DGKB: variants seen among roughly 807,000 people sequenced by gnomAD.
The protein encoded by DGKB is 90 kDa diacylglycerol kinase.
A neutral mutation model predicts 114.3 loss-of-function variants in DGKB; 67 were observed. That is an observed-to-expected ratio of 0.59 (90% CI 0.48 to 0.72). The LOEUF (loss-of-function observed/expected upper bound fraction) is 0.72, where lower values mean the gene tolerates loss of function less well. Among genes scored for constraint, DGKB ranks in the 30% least tolerant of loss-of-function variants. DGKB has a pLI of 0.00. For missense variants in DGKB, 907 were observed against 975.2 expected, an observed-to-expected ratio of 0.93 and a Z score of 0.93; for synonymous variants, 398 against 323.1, an observed-to-expected ratio of 1.23 and a Z score of -2.49.
intron 2 of DGKB, among the ~76,000 whole-genome samples, chr7:14,779,713 A>T (rs1838781347): frequency 6.6e-6 from 1 of 152,204 alleles, no homozygotes; most frequent in Non-Finnish European, 1.5e-5. Context: ...ATTTCCTGCT[A>T]TAAAAGGTGA....
intron 20 of DGKB, among the ~76,000 whole-genome samples, chr7:14,502,858 A>C (rs1786418605): frequency 6.6e-6 from 1 of 152,102 alleles, no homozygotes. Context: ...AAATAAACAT[A>C]GCTAGGATTC....
At chr7:14,958,724 T>C (rs1319881642) in intron 1 of DGKB, among the ~76,000 whole-genome samples, 2 of 152,052 alleles carry the variant, frequency 1.3e-5, no homozygotes, top group African/African-American at 4.8e-5. Flanking sequence ...CCTCCTTAGA[T>C]GTAAATGTAA....
chr7:14,660,087 A>T (rs112020084), intron 13 of DGKB, among the ~76,000 whole-genome samples: 41,895 of 147,800 alleles, frequency 0.28, 7,401 homozygotes, highest in East Asian at 0.72. Flanking sequence ...TGAAGCCCAC[A>T]TGATCATGGT....
At chr7:14,785,504 C>CTAAAT (rs899509551) in intron 2 of DGKB, among the ~76,000 whole-genome samples, 4 of 151,974 alleles carry the variant, frequency 2.6e-5, no homozygotes, top group African/African-American at 4.8e-5. Flanking sequence ...AACGTCATGA[C>CTAAAT]TAAATTAAAT....
chr7:14,629,244 G>T (rs958229968), intron 14 of DGKB, among the ~76,000 whole-genome samples: 22 of 152,030 alleles, frequency 1.4e-4, no homozygotes, highest in African/African-American at 5.3e-4. Flanking sequence ...AATAATAATT[G>T]TGATAATAAT....
intron 6 of DGKB, among the ~76,000 whole-genome samples, chr7:14,703,800 C>T (rs1036220854): frequency 6.6e-6 from 1 of 152,100 alleles, no homozygotes; most frequent in Admixed American, 6.5e-5. Flanking sequence ...CTGCATGCTC[C>T]TAAATATCGC....
intron 1 of DGKB, among the ~76,000 whole-genome samples, chr7:14,885,772 A>G (rs578140048): frequency 6.6e-6 from 1 of 152,016 alleles, no homozygotes; most frequent in East Asian, 1.9e-4. Flanking sequence ...CATTTGAAAA[A>G]CTGAACATTG....
intron 20 of DGKB, among the ~76,000 whole-genome samples, chr7:14,556,099 G>C (rs977958761): frequency 1.3e-5 from 2 of 152,062 alleles, no homozygotes; most frequent in Admixed American, 1.3e-4. Flanking sequence ...GGTCTGGATT[G>C]GGACTCCTTT....
At chr7:14,699,879 T>C (rs1824799594) in intron 7 of DGKB, among the ~76,000 whole-genome samples, 1 of 151,868 alleles carries the variant, frequency 6.6e-6, no homozygotes, top group Non-Finnish European at 1.5e-5. Flanking sequence ...CTACTGTATA[T>C]GCTAACAAAA....
At chr7:14,625,271 G>A (rs538749599) in intron 14 of DGKB, among the ~76,000 whole-genome samples, 1 of 152,154 alleles carries the variant, frequency 6.6e-6, no homozygotes, top group East Asian at 1.9e-4. Flanking sequence ...TGGAATTTGT[G>A]CAATTAATCC....
chr7:14,246,574 T>C (rs541123628), intron 23 of DGKB, among the ~76,000 whole-genome samples: 3 of 152,284 alleles, frequency 2.0e-5, no homozygotes, highest in East Asian at 3.9e-4. Flanking sequence ...CTCTGTAAGT[T>C]TGGAAATCAT....
rs149089279 is a variant in DGKB at position 14,300,819 on chromosome 7, A to G, written c.2122+37696T>C. ...AATAGTCTTATTTCTGTCATCAACA[A>G]TGAACTTTAAGGTACCTCATTTCAA... On this transcript the variant is annotated intron_variant, in intron 23 of 25. Transcript: ENST00000402815. 6.3e-3 allele frequency among the ~76,000 whole-genome samples: 953 copies of G among 152,236 alleles called. 9 individuals carry two copies. The highest frequency in any genetic ancestry group is 0.021 in the African/African-American group (887 of 41,556).
intron 1 of DGKB, among the ~76,000 whole-genome samples, chr7:14,908,873 T>C (rs183754402): frequency 2.6e-5 from 4 of 152,306 alleles, no homozygotes; most frequent in Admixed American, 6.5e-5. Flanking sequence ...AGATGCTATA[T>C]AATTGTGGAA....
At chr7:14,164,950 G>A (rs934866371) in intron 25 of DGKB, among the ~76,000 whole-genome samples, 17 of 152,060 alleles carry the variant, frequency 1.1e-4, no homozygotes, top group Non-Finnish European at 2.5e-4. Context: ...TAGGTAGCAG[G>A]TTTTAGGACT....
At chr7:14,765,354 G>A (rs1248450013) in intron 2 of DGKB, among the ~76,000 whole-genome samples, 1 of 151,940 alleles carries the variant, frequency 6.6e-6, no homozygotes, top group African/African-American at 2.4e-5. Context: ...TGAGCAACCT[G>A]TTACACATAT....
At chr7:14,269,693 A>AGAATG (rs1368018715) in intron 23 of DGKB, among the ~76,000 whole-genome samples, 1 of 152,206 alleles carries the variant, frequency 6.6e-6, no homozygotes, top group Non-Finnish European at 1.5e-5. Context: ...GAAAACAACC[A>AGAATG]GAATGGAATT....
At chr7:14,874,707 T>A (rs1045030523) in intron 1 of DGKB, among the ~76,000 whole-genome samples, 2 of 152,022 alleles carry the variant, frequency 1.3e-5, no homozygotes, top group Non-Finnish European at 2.9e-5. Flanking sequence ...CCATCTGAAA[T>A]ACTGCTTTTT....
chr7:14,935,260 A>G (rs148292973), intron 1 of DGKB, among the ~76,000 whole-genome samples: 215 of 133,572 alleles, frequency 1.6e-3, no homozygotes, highest in African/African-American at 6.8e-3. Flanking sequence ...ACACTGAGCT[A>G]TTTATCAAGG....
chr7:14,934,052 A>G (rs1252198291), intron 1 of DGKB, among the ~76,000 whole-genome samples: 1 of 152,162 alleles, frequency 6.6e-6, no homozygotes, highest in African/African-American at 2.4e-5. Flanking sequence ...ATGGGCCTGA[A>G]TACCCTTTTG....
Sources: gnomAD v4.1 joint callset for allele counts (sites outside exome capture counted in the v4.1 genomes callset) on GRCh38, gnomAD v4.1.1 for gene constraint, MANE v1.5 for transcripts, NCBI Gene and HGNC (gene_info 2026-07-23, HGNC 2026-07-21) for gene names.